The following LRRIQ1 variants were observed in gnomAD, a reference collection of about 807,000 sequenced individuals.
LRRIQ1 encodes the protein leucine-rich repeat- and IQ domain-containing protein 1.
Under a neutral mutation model 211.9 loss-of-function variants are expected in LRRIQ1, and 210 were observed. The ratio of observed to expected loss-of-function variants is 0.99; its 90% CI spans 0.89 to 1.11. LRRIQ1 has a LOEUF of 1.11. Ranked by LOEUF, LRRIQ1 falls within the 50% of genes most tolerant of loss-of-function variation. The pLI is 0.00. For missense variants in LRRIQ1, 2,136 were observed against 1,939.5 expected, an observed-to-expected ratio of 1.10 and a Z score of -1.90; for synonymous variants, 699 against 650.1, an observed-to-expected ratio of 1.08 and a Z score of -1.14.
chr12:85,175,476 T>C (rs1158974606), intron 24 of LRRIQ1, among the ~76,000 whole-genome samples: 1 of 152,070 alleles, frequency 6.6e-6, no homozygotes, highest in East Asian at 1.9e-4. Context: ...CTAGGAGATA[T>C]AGGAAGTAAT....
At chr12:85,208,203 CA>C (rs200973378) in intron 24 of LRRIQ1, among the ~76,000 whole-genome samples, 27 of 141,658 alleles carry the variant, frequency 1.9e-4, no homozygotes, top group African/African-American at 1.6e-4. Flanking sequence ...TATCCATTGT[CA>C]AAAAAAAAAG....
intron 18 of LRRIQ1, among the ~76,000 whole-genome samples, chr12:85,128,555 A>T (rs933537990): frequency 5.9e-5 from 9 of 152,160 alleles, no homozygotes; most frequent in African/African-American, 1.9e-4. Flanking sequence ...AGCTATGATC[A>T]TACCACTGCA....
At chr12:85,107,809 C>T (rs1886888500) in intron 15 of LRRIQ1, among the ~76,000 whole-genome samples, 1 of 152,052 alleles carries the variant, frequency 6.6e-6, no homozygotes, top group South Asian at 2.1e-4. Context: ...TAAGTATCTA[C>T]TCTGCTTTCA....
Position 85,056,572 on chromosome 12 carries a change from A to C in LRRIQ1, c.1779A>C (p.Glu593Asp). ...IQKVEKEEIQ[E>D]QNGLLYKDKD... ...AAGTAGAAAAAGAAGAGATACAAGA[A>C]CAGAATGGATTATTATATAAAGATA... The change falls in exon 8 of 27, where the codon GAA becomes GAC. Residue 593 changes from glutamate (E) to aspartate (D), a missense_variant. Glu to Asp is a conservative substitution (Grantham distance 45). Coordinates refer to ENST00000393217, the MANE Select transcript of LRRIQ1 (RefSeq NM_001079910.2). 6.2e-7 allele frequency: 1 copy of C among 1,601,682 alleles called. No homozygotes were observed. Among genetic ancestry groups the C allele is most frequent in the East Asian group, 2.2e-5 (1 of 44,674 alleles).
At chr12:85,082,072 C>G (rs1884352071) in intron 11 of LRRIQ1, among the ~76,000 whole-genome samples, 1 of 151,964 alleles carries the variant, frequency 6.6e-6, no homozygotes, top group Admixed American at 6.6e-5. Flanking sequence ...TGATGTAGAT[C>G]CTTTACATTT....
chr12:85,208,933 A>G (rs1451807650), intron 24 of LRRIQ1, among the ~76,000 whole-genome samples: 3 of 152,268 alleles, frequency 2.0e-5, no homozygotes, highest in South Asian at 2.1e-4. Context: ...CTGTTACTCA[A>G]AAAGATATAT....
chr12:85,055,492 A>T, intron 7 of LRRIQ1, 55 bp from the exon 8 acceptor site: 1 of 1,281,030 alleles, frequency 7.8e-7, no homozygotes, highest in Non-Finnish European at 1.0e-6. Flanking sequence ...ATGACATTTT[A>T]GTAACATCTC....
chr12:85,079,484 A>G (rs1216070332), intron 11 of LRRIQ1, among the ~76,000 whole-genome samples: 2 of 151,746 alleles, frequency 1.3e-5, no homozygotes, highest in African/African-American at 4.8e-5. Context: ...CCACCTCCCA[A>G]AGTGCTGGGA....
At chr12:85,082,339 TTGCGGTTA>T (rs2136174344) in intron 11 of LRRIQ1, among the ~76,000 whole-genome samples, 1 of 152,276 alleles carries the variant, frequency 6.6e-6, no homozygotes, top group East Asian at 1.9e-4. Context: ...TTCTTTGTCT[TTGCGGTTA>T]TGCACCTTTA....
In LRRIQ1 at chr12:85,183,313, T is replaced by A. The variant is rs537899916; in HGVS notation, c.4822+22599T>A. Among the ~76,000 whole-genome samples, 16 of 152,260 alleles carry A rather than the reference T, an allele frequency of 1.1e-4. No individual in the cohort carries two copies. In the South Asian group the frequency reaches 2.1e-3, roughly 20 times the overall value. On this transcript the variant is annotated intron_variant, in intron 24 of 26. Coordinates refer to ENST00000393217, the MANE Select transcript of LRRIQ1 (RefSeq NM_001079910.2). ...ATTTTCTTCTATCACTTTTCATACATTTTTGAAGTGTTTTTTCCAGCGACA... is the reference window on the plus strand; with the variant it reads ...ATTTTCTTCTATCACTTTTCATACAATTTTGAAGTGTTTTTTCCAGCGACA...
Position 85,057,098 on chromosome 12 carries a change from A to C in LRRIQ1, c.2305A>C (p.Arg769=), listed in dbSNP as rs1398259199. ...NQQKKIVRRK[R]PVKCPANMTP... The stretch of plus-strand genomic sequence containing the variant: ...ACAAAAGAAAATTGTTAGAAGAAAG[A>C]GACCTGTGAAATGCCCAGCCAACAT... The change falls in exon 8 of 27, where the codon AGA becomes CGA. Residue 769 remains arginine, a synonymous_variant. Transcript: ENST00000393217. The C allele has an allele frequency of 1.9e-6, 3 of 1,606,790 alleles. No homozygotes were observed. Among genetic ancestry groups the C allele is most frequent in the Non-Finnish European group, 2.5e-6 (3 of 1,177,726 alleles).
At position 85,157,783 on chromosome 12, in the gene LRRIQ1, G is replaced by A. The variant is rs115104738; in HGVS notation, c.4721-2830G>A. ...CAGAGAGAATGGGGTCTGAGTATAGGGATTTTGGTGGAGATTAGCTGGTAA... is the reference window on the plus strand; with the variant it reads ...CAGAGAGAATGGGGTCTGAGTATAGAGATTTTGGTGGAGATTAGCTGGTAA... On this transcript the variant is annotated intron_variant, in intron 23 of 26. Coordinates refer to ENST00000393217, the MANE Select transcript of LRRIQ1 (RefSeq NM_001079910.2). Among the ~76,000 whole-genome samples, 737 of 151,818 alleles carry A rather than the reference G, an allele frequency of 4.9e-3. 8 individuals are homozygous for A. The highest frequency in any genetic ancestry group is 0.017 in the African/African-American group (711 of 41,448).
chr12:85,198,462 C>G (rs1168444107), intron 24 of LRRIQ1, among the ~76,000 whole-genome samples: 1 of 151,996 alleles, frequency 6.6e-6, no homozygotes, highest in Non-Finnish European at 1.5e-5. Context: ...CACAACCTCA[C>G]CAGCATCTGT....
At chr12:85,238,397 A>G (rs148544934) in intron 26 of LRRIQ1, among the ~76,000 whole-genome samples, 189 of 152,242 alleles carry the variant, frequency 1.2e-3, no homozygotes, top group Non-Finnish European at 1.1e-3. Flanking sequence ...AAACAGATTT[A>G]AAAAGCTTAA....
At chr12:85,238,516 A>T (rs1895302443) in intron 26 of LRRIQ1, among the ~76,000 whole-genome samples, 1 of 152,138 alleles carries the variant, frequency 6.6e-6, no homozygotes, top group South Asian at 2.1e-4. Flanking sequence ...ACCATTTGTA[A>T]GGATTATGGT....
At chr12:85,128,960 G>C (rs1033576562) in intron 18 of LRRIQ1, among the ~76,000 whole-genome samples, 2 of 151,998 alleles carry the variant, frequency 1.3e-5, no homozygotes, top group Non-Finnish European at 2.9e-5. Context: ...ATCTCGTCTG[G>C]GGCTTGGGTC....
intron 2 of LRRIQ1, among the ~76,000 whole-genome samples, chr12:85,039,167 C>A (rs1460753720): frequency 6.6e-6 from 1 of 151,094 alleles, no homozygotes; most frequent in East Asian, 1.9e-4. Context: ...AGTATGAAAT[C>A]CAACAGAATA....
intron 24 of LRRIQ1, chr12:85,162,642 A>G (rs1189575931): frequency 2.5e-6 from 1 of 406,612 alleles, no homozygotes; most frequent in African/African-American, 2.1e-5. Context: ...GTGTACTGGT[A>G]TAAAATATGC....
chr12:85,166,099 T>C (rs1169766921), intron 24 of LRRIQ1, among the ~76,000 whole-genome samples: 1 of 152,218 alleles, frequency 6.6e-6, no homozygotes, highest in African/African-American at 2.4e-5. Flanking sequence ...ATTCCTATTT[T>C]TATTTATACA....
Sources: allele counts gnomAD v4.1 joint callset (sites outside exome capture counted in the v4.1 genomes callset), GRCh38; gene constraint gnomAD v4.1.1; transcripts MANE v1.5; gene names NCBI Gene and HGNC (gene_info 2026-07-23, HGNC 2026-07-21).